Variants in RO60 observed in about 807,000 individuals in gnomAD.
The protein encoded by RO60 is Ro60, Y RNA binding protein.
Under a neutral mutation model 55.3 loss-of-function variants are expected in RO60, and 20 were observed. The ratio of observed to expected loss-of-function variants is 0.36; its 90% confidence interval spans 0.25 to 0.53. The LOEUF (loss-of-function observed/expected upper bound fraction) is 0.53, where lower values mean the gene tolerates loss of function less well. Among genes scored for constraint, RO60 ranks in the 20% least tolerant of loss-of-function variants. RO60 has a pLI of 0.92. For synonymous variants in RO60, 213 were observed against 213.6 expected (o/e 1.00, Z 0.02); for missense variants, 558 against 646.6 (o/e 0.86, Z 1.49).
intron 1 of RO60, chr1:193,060,272 G>A (rs2103000588): frequency 2.8e-6 from 1 of 362,408 alleles, no homozygotes; most frequent in East Asian, 8.0e-5. Flanking sequence ...GGTGCGTCAA[G>A]GGAAAATTAG....
At chr1:193,071,776 A>T (rs1673524241) in intron 2 of RO60, among the ~76,000 whole-genome samples, 1 of 148,402 alleles carries the variant, frequency 6.7e-6, no homozygotes, top group African/African-American at 2.4e-5. Flanking sequence ...TATATATAAT[A>T]TATAATGTTA....
intron 1 of RO60, among the ~76,000 whole-genome samples, chr1:193,064,553 C>T (rs533200657): frequency 2.0e-5 from 3 of 152,278 alleles, no homozygotes; most frequent in African/African-American, 7.2e-5. Flanking sequence ...ACATGTTATT[C>T]TGTTTTCTGT....
In RO60 at chr1:193,088,218, C is replaced by G. The variant is rs562057992; in HGVS notation, c.*3487C>G. 1 of 135,944 alleles carries G rather than the reference C, an allele frequency of 7.4e-6. No homozygotes were observed. Among genetic ancestry groups the G allele is most frequent in the African/African-American group, 3.0e-5 (1 of 33,114 alleles). The allele number at this position is 135,944 out of a possible 1,614,324, so 8.4% of individuals were successfully genotyped here. The stretch of plus-strand genomic sequence containing the variant: ...TAAGAGACAACGTCTCACTGTGTTG[C>G]CCAGGCTGGTGTCAAACTCCTGGGC... On this transcript the variant is annotated 3_prime_UTR_variant, in exon 9 of 9. Coordinates refer to ENST00000400968, the MANE Select transcript of RO60 (RefSeq NM_001173524.2).
In RO60 at chr1:193,074,738, T is replaced by TTAGA. The variant is rs1673783564; in HGVS notation, c.581-1079_581-1076dup. Reference sequence around the variant, plus strand: ...GCTGTGCAGAAGCTCTTTAGTTGAATTAGATACCATTTGTGAATTTTGGCT... The same window carrying TTAGA: ...GCTGTGCAGAAGCTCTTTAGTTGAATTAGATAGATACCATTTGTGAATTTTGGCT... On this transcript the variant is annotated intron_variant, in intron 2 of 8. Coordinates refer to ENST00000400968, the MANE Select transcript of RO60 (RefSeq NM_001173524.2). Among the ~76,000 whole-genome samples, 6 of 152,238 alleles carry TTAGA rather than the reference T, an allele frequency of 3.9e-5. No homozygotes were observed. The South Asian group carries it at 1.2e-3, about 31-fold the overall frequency.
Position 193,087,967 on chromosome 1 carries a change from T to G in RO60, c.*3236T>G, listed in dbSNP as rs1674687999. 6.6e-6 allele frequency: 1 copy of G among 152,020 alleles called. No homozygotes were observed. The highest frequency in any genetic ancestry group is 6.6e-5 in the Admixed American group (1 of 15,254). 9.4% of individuals were successfully genotyped at this position (152,020 alleles called of 1,614,324 possible). Reference sequence around the variant, plus strand: ...AGAAAAAATATACTCCAAGATCTTCTTGGACAGACCTAGAAAAACAAGCTT... The same window carrying G: ...AGAAAAAATATACTCCAAGATCTTCGTGGACAGACCTAGAAAAACAAGCTT... On this transcript the variant is annotated 3_prime_UTR_variant, in exon 9 of 9. Transcript: ENST00000400968.
In RO60 at chr1:193,076,923, A is replaced by C; in HGVS notation, c.959A>C (p.His320Pro). Residue 320 changes from histidine to proline, a missense_variant, in exon 5 of 9, where the codon CAT becomes CCT. By Grantham distance (77) the His-to-Pro change is moderately conservative (BLOSUM62 -2). Transcript: ENST00000400968. ...NEKLLKKARI[H>P]PFHILIALET... is the part of the protein sequence containing the mutation. Reference sequence around the variant, plus strand: ...ATACTTTGTTTCTAGGCTCGTATACATCCATTTCATATTTTGATCGCATTA... The same window carrying C: ...ATACTTTGTTTCTAGGCTCGTATACCTCCATTTCATATTTTGATCGCATTA... 1 of 1,611,816 alleles carries C rather than the reference A, an allele frequency of 6.2e-7. No individual in the cohort carries two copies. Among genetic ancestry groups the C allele is most frequent in the Non-Finnish European group, 8.5e-7 (1 of 1,178,660 alleles).
intron 2 of RO60, among the ~76,000 whole-genome samples, chr1:193,072,763 T>C (rs1006556131): frequency 2.6e-5 from 4 of 152,236 alleles, no homozygotes; most frequent in African/African-American, 7.2e-5. Context: ...TAGTTCTAAC[T>C]GGACCAATTA....
At chr1:193,074,652 G>A (rs1673770475) in intron 2 of RO60, among the ~76,000 whole-genome samples, 1 of 152,142 alleles carries the variant, frequency 6.6e-6, no homozygotes, top group Non-Finnish European at 1.5e-5. Flanking sequence ...CAGATGAGTA[G>A]ATTGCAAAAA....
chr1:193,082,711 A>G lies in RO60; in HGVS notation c.1464+3A>G. 6.2e-7 allele frequency: 1 copy of G among 1,606,246 alleles called. No individual in the cohort carries two copies. Among genetic ancestry groups the G allele is most frequent in the Non-Finnish European group, 8.5e-7 (1 of 1,177,014 alleles). On this transcript the variant is annotated splice_donor_region_variant and intron_variant, in intron 8 of 8. Transcript: ENST00000400968. Reference sequence around the variant, plus strand: ...TTGCTCTGAGGGAGTATCGAAAGGTAAAACAAATTCTAATACGGTTCCTCA... The same window carrying G: ...TTGCTCTGAGGGAGTATCGAAAGGTGAAACAAATTCTAATACGGTTCCTCA...
At chr1:193,077,319 G>A (rs951129657) in intron 5 of RO60, among the ~76,000 whole-genome samples, 1 of 152,116 alleles carries the variant, frequency 6.6e-6, no homozygotes, top group African/African-American at 2.4e-5. Context: ...TTCTCACAGT[G>A]CTATAAAGAA....
At chr1:193,067,642 G>A (rs1218860836) in intron 1 of RO60, among the ~76,000 whole-genome samples, 1 of 152,188 alleles carries the variant, frequency 6.6e-6, no homozygotes, top group African/African-American at 2.4e-5. Context: ...ATGACAGATT[G>A]AAGGACCTCA....
At position 193,066,282 on chromosome 1, in the gene RO60, GA is replaced by G. The variant is rs559719705; in HGVS notation, c.-21-2747del. ...CTTTCAATGTTAGCATCTTCCCATT[GA>G]AAAAGGTAAAAAGATTTTTTCTCTA... On this transcript the variant is annotated intron_variant, in intron 1 of 8. Coordinates refer to ENST00000400968, the MANE Select transcript of RO60 (RefSeq NM_001173524.2). Among the ~76,000 whole-genome samples, 17 of 152,128 alleles carry G rather than the reference GA, an allele frequency of 1.1e-4. No individual in the cohort carries two copies. In the South Asian group the frequency reaches 3.5e-3, roughly 32 times the overall value.
At position 193,069,198 on chromosome 1, in the gene RO60, C is replaced by T. The variant is rs1673316615; in HGVS notation, c.144C>T (p.Ile48=). 1 of 1,614,158 alleles carries T rather than the reference C, an allele frequency of 6.2e-7. No individual in the cohort carries two copies. The highest frequency in any genetic ancestry group is 8.5e-7 in the Non-Finnish European group (1 of 1,180,030). Residue 48 remains isoleucine (I), a synonymous_variant, in exon 2 of 9, where the codon ATC becomes ATT. Transcript: ENST00000400968. ...CFGSEGGTYY[I]KEQKLGLENA... is the part of the protein sequence containing the mutation. ...GTTCTGAAGGTGGGACTTATTATAT[C>T]AAAGAACAGAAGTTGGGCCTTGAAA...
rs192515313 is a variant in RO60 at position 193,073,570 on chromosome 1, T to G, written c.581-2250T>G. On this transcript the variant is annotated intron_variant, in intron 2 of 8. Transcript: ENST00000400968. ...ACAACTCTCTATTACATCACTGTGTTTGTTTGTTTGTTTGTTTGTTTGAGA... is the reference window on the plus strand; with the variant it reads ...ACAACTCTCTATTACATCACTGTGTGTGTTTGTTTGTTTGTTTGTTTGAGA... Among the ~76,000 whole-genome samples the G allele has an allele frequency of 1.3e-3, 196 of 151,780 alleles. 1 individual carries two copies. The highest frequency in any genetic ancestry group is 2.1e-3 in the Non-Finnish European group (142 of 67,884).
chr1:193,082,110 C>A, intron 6 of RO60, 76 bp from the exon 7 acceptor site: 1 of 885,824 alleles, frequency 1.1e-6, no homozygotes, highest in Non-Finnish European at 1.9e-6. Flanking sequence ...TTCTTTTAAA[C>A]ATGAAGTTGG....
In RO60 at chr1:193,088,381, G is replaced by A. The variant is rs963296338; in HGVS notation, c.*3650G>A. The A allele has an allele frequency of 2.4e-5, 2 of 83,158 alleles. No individual in the cohort carries two copies. The highest frequency in any genetic ancestry group is 2.7e-4 in the Admixed American group (2 of 7,400). 5.2% of individuals were successfully genotyped at this position (83,158 alleles called of 1,614,324 possible). On this transcript the variant is annotated 3_prime_UTR_variant, in exon 9 of 9. Coordinates refer to ENST00000400968, the MANE Select transcript of RO60 (RefSeq NM_001173524.2). ...AATAGTAAAGTACTATTTTCATCAG[G>A]GATTTTTTTTTTCTTATTTTCTAGA... is the stretch of plus-strand genomic sequence containing the variant.
At position 193,087,533 on chromosome 1, in the gene RO60, A is replaced by G. The variant is rs1674670606; in HGVS notation, c.*2802A>G. 1 of 152,162 alleles carries G rather than the reference A, an allele frequency of 6.6e-6. No homozygotes were observed. Among genetic ancestry groups the G allele is most frequent in the East Asian group, 1.9e-4 (1 of 5,196 alleles). 9.4% of individuals were successfully genotyped at this position (152,162 alleles called of 1,614,324 possible). On this transcript the variant is annotated 3_prime_UTR_variant, in exon 9 of 9. Coordinates refer to ENST00000400968, the MANE Select transcript of RO60 (RefSeq NM_001173524.2). ...CTTATGAGAGTGTTAGTGAGGCAAG[A>G]TGCTAGTGAATGGAATTTAGTGTTA...
At chr1:193,074,050 C>T (rs1221018873) in intron 2 of RO60, among the ~76,000 whole-genome samples, 1 of 152,130 alleles carries the variant, frequency 6.6e-6, no homozygotes, top group Admixed American at 6.5e-5. Context: ...ATCCATGTCC[C>T]TACAAAGGAC....
rs563287091 is a variant in RO60 at position 193,086,048 on chromosome 1, G to A, written c.*1317G>A. Reference sequence around the variant, plus strand: ...TAGCTTACACATAAAACCTGTTTGCGTATCTGTTGTTCTCTAAATATTAAT... The same window carrying A: ...TAGCTTACACATAAAACCTGTTTGCATATCTGTTGTTCTCTAAATATTAAT... On this transcript the variant is annotated 3_prime_UTR_variant, in exon 9 of 9. Coordinates refer to ENST00000400968, the MANE Select transcript of RO60 (RefSeq NM_001173524.2). 9.2e-6 allele frequency: 9 copies of A among 981,252 alleles called. No homozygotes were observed. In the South Asian group the frequency reaches 1.4e-4, roughly 15 times the overall value. 60.8% of individuals were successfully genotyped at this position (981,252 alleles called of 1,614,324 possible). A position where few individuals can be genotyped will look rare whatever the true frequency, so the allele number is the denominator to read the frequency against.
Sources: allele counts gnomAD v4.1 joint callset (sites outside exome capture counted in the v4.1 genomes callset), GRCh38; gene constraint gnomAD v4.1.1; transcripts MANE v1.5; gene names NCBI Gene and HGNC (gene_info 2026-07-23, HGNC 2026-07-21).